CACNA2D2: variants seen among roughly 807,000 people sequenced by gnomAD.
CACNA2D2 encodes the protein calcium voltage-gated channel auxiliary subunit alpha2delta 2.
Under a neutral mutation model 166.4 loss-of-function variants are expected in CACNA2D2, and 48 were observed. That is an observed-to-expected ratio of 0.29 (90% CI 0.23 to 0.37). The LOEUF (loss-of-function observed/expected upper bound fraction) is 0.37, where lower values mean the gene tolerates loss of function less well. Ranked by LOEUF, CACNA2D2 falls within the 10% of genes least tolerant of loss-of-function variation. The pLI, the probability that CACNA2D2 is intolerant of heterozygous loss-of-function variation, is 1.00. For missense variants in CACNA2D2, 1,122 were observed against 1,433.0 expected (o/e 0.78, Z 3.50); for synonymous variants, 561 against 573.7 (o/e 0.98, Z 0.32).
intron 2 of CACNA2D2, among the ~76,000 whole-genome samples, chr3:50,442,696 A>G (rs773250936): frequency 6.6e-6 from 1 of 152,142 alleles, no homozygotes; most frequent in Non-Finnish European, 1.5e-5. Context: ...CCCACCTGCA[A>G]TTGTCATCCA....
chr3:50,468,747 A>G (rs1323891431), intron 2 of CACNA2D2, among the ~76,000 whole-genome samples: 1 of 150,888 alleles, frequency 6.6e-6, no homozygotes, highest in Non-Finnish European at 1.5e-5. Flanking sequence ...TAACTTCCCC[A>G]TTCCCAACGC....
intron 2 of CACNA2D2, among the ~76,000 whole-genome samples, chr3:50,471,066 A>T (rs766257084): frequency 2.0e-5 from 3 of 152,066 alleles, no homozygotes; most frequent in African/African-American, 2.4e-5. Flanking sequence ...GCGCTTCCCC[A>T]CTGCCCCCCA....
chr3:50,481,707 A>T (rs1698064276), intron 1 of CACNA2D2, among the ~76,000 whole-genome samples: 1 of 152,184 alleles, frequency 6.6e-6, no homozygotes, highest in Non-Finnish European at 1.5e-5. Context: ...ATTTAAAATA[A>T]AGTGCAGGCT....
At chr3:50,391,369 G>C (rs1485941817) in intron 4 of CACNA2D2, among the ~76,000 whole-genome samples, 1 of 152,248 alleles carries the variant, frequency 6.6e-6, no homozygotes, top group Non-Finnish European at 1.5e-5. Flanking sequence ...GCTCCTCCCT[G>C]GTGGTGGTTT....
At chr3:50,399,619 GAGA>G (rs1706344327) in intron 3 of CACNA2D2, among the ~76,000 whole-genome samples, 2 of 152,134 alleles carry the variant, frequency 1.3e-5, no homozygotes, top group African/African-American at 4.8e-5. Context: ...CAAGACTCAC[GAGA>G]AGTAGATTCT....
intron 1 of CACNA2D2, 51 bp downstream of exon 1, chr3:50,503,167 A>G (rs1699054842): frequency 5.5e-6 from 6 of 1,098,214 alleles, no homozygotes; most frequent in Non-Finnish European, 6.8e-6. Flanking sequence ...CCGGGGGCAG[A>G]GCGGGGCGCA....
At chr3:50,458,967 G>A (rs889795315) in intron 2 of CACNA2D2, among the ~76,000 whole-genome samples, 6 of 152,258 alleles carry the variant, frequency 3.9e-5, no homozygotes, top group Non-Finnish European at 7.3e-5. Flanking sequence ...CTCTGGAGCT[G>A]AGCTGGGGCA....
chr3:50,437,296 T>C (rs1708394776), intron 2 of CACNA2D2, among the ~76,000 whole-genome samples: 1 of 152,146 alleles, frequency 6.6e-6, no homozygotes, highest in African/African-American at 2.4e-5. Flanking sequence ...CCCAGGCCAG[T>C]TCCCACAGCT....
chr3:50,414,250 C>T lies in CACNA2D2; in HGVS notation c.405+20063G>A, dbSNP rs76118966. 6.9e-3 allele frequency among the ~76,000 whole-genome samples: 1,048 copies of T among 152,182 alleles called. 5 individuals are homozygous for T. The highest frequency in any genetic ancestry group is 0.024 in the African/African-American group (979 of 41,518). On this transcript the variant is annotated intron_variant, in intron 3 of 37. Transcript: ENST00000424201. Reference sequence around the variant, plus strand: ...ACAGAGCCCAAGGTTAGAGAGCCACCGAGCCACATACCCGCACCGTGCAAG... The same window carrying T: ...ACAGAGCCCAAGGTTAGAGAGCCACTGAGCCACATACCCGCACCGTGCAAG...
At chr3:50,465,394 TG>T (rs1428904417) in intron 2 of CACNA2D2, among the ~76,000 whole-genome samples, 1 of 152,168 alleles carries the variant, frequency 6.6e-6, no homozygotes, top group Non-Finnish European at 1.5e-5. Flanking sequence ...AAGAGGCAAG[TG>T]GCTGCCACTT....
chr3:50,463,499 T>C (rs2107021101), intron 2 of CACNA2D2, among the ~76,000 whole-genome samples: 1 of 152,276 alleles, frequency 6.6e-6, no homozygotes, highest in East Asian at 1.9e-4. Flanking sequence ...GGTTTTGCCA[T>C]GTTGTTCAGG....
At chr3:50,396,476 C>T (rs140950238) in intron 3 of CACNA2D2, among the ~76,000 whole-genome samples, 351 of 152,314 alleles carry the variant, frequency 2.3e-3, no homozygotes, top group Non-Finnish European at 3.5e-3. Context: ...CACCTGACTC[C>T]TCTTCTTCCT....
chr3:50,442,100 G>A (rs1205766498), intron 2 of CACNA2D2, among the ~76,000 whole-genome samples: 1 of 152,242 alleles, frequency 6.6e-6, no homozygotes, highest in Non-Finnish European at 1.5e-5. Flanking sequence ...CTTGCAGTCT[G>A]TGACTTTATC....
rs957281627 is a variant in CACNA2D2 at position 50,495,364 on chromosome 3, G to A, written c.206+7854C>T. ...AAAATCCCAAGGGCCCTGGGCCATCGCAGCACTGACAACACACAGGCGCGT... is the reference window on the plus strand; with the variant it reads ...AAAATCCCAAGGGCCCTGGGCCATCACAGCACTGACAACACACAGGCGCGT... On this transcript the variant is annotated intron_variant, in intron 1 of 37. Transcript: ENST00000424201. Among the ~76,000 whole-genome samples the A allele has an allele frequency of 4.6e-5, 7 of 152,280 alleles. No homozygotes were observed. In the East Asian group the frequency reaches 5.8e-4, roughly 13 times the overall value.
rs1031214821 is a variant in CACNA2D2, at chr3:50,364,420, G to A, written c.*246C>T. ...CCATCCCACTGGGGGGAGCCCAGCA[G>A]GCAAGAAGGGTCTGGGGACACTTGA... On this transcript the variant is annotated 3_prime_UTR_variant, in exon 38 of 38. Coordinates refer to ENST00000424201, the MANE Select transcript of CACNA2D2 (RefSeq NM_006030.4). 18 of 507,348 alleles carry A rather than the reference G, an allele frequency of 3.5e-5. No individual in the cohort carries two copies. The African/African-American group carries it at 3.6e-4, about 10-fold the overall frequency. 31.4% of individuals were successfully genotyped at this position (507,348 alleles called of 1,614,324 possible).
At chr3:50,487,945 T>C (rs568367877) in intron 1 of CACNA2D2, among the ~76,000 whole-genome samples, 2 of 152,066 alleles carry the variant, frequency 1.3e-5, no homozygotes, top group Non-Finnish European at 2.9e-5. Flanking sequence ...AGGCCTGTCC[T>C]TGGGAGCTTG....
At chr3:50,387,680 C>T (rs959680568) in intron 4 of CACNA2D2, 68 bp from the exon 5 acceptor site, 1 of 1,228,976 alleles carries the variant, frequency 8.1e-7, no homozygotes, top group Admixed American at 1.8e-5. Flanking sequence ...CTCCTAGCCC[C>T]AAGGCCTGCA....
Position 50,410,355 on chromosome 3 carries a change from G to A in CACNA2D2, c.406-16187C>T, listed in dbSNP as rs138648373. Among the ~76,000 whole-genome samples the A allele has an allele frequency of 1.6e-4, 24 of 152,338 alleles. 1 individual carries two copies. The East Asian group carries it at 4.2e-3, about 27-fold the overall frequency. Reference sequence around the variant, plus strand: ...ACTCATTCTCACAGGTGAAGAAACCGAGGCTCTGCAGAAGGGGGATCCCCT... The same window carrying A: ...ACTCATTCTCACAGGTGAAGAAACCAAGGCTCTGCAGAAGGGGGATCCCCT... On this transcript the variant is annotated intron_variant, in intron 3 of 37. Coordinates refer to ENST00000424201, the MANE Select transcript of CACNA2D2 (RefSeq NM_006030.4).
chr3:50,446,522 C>A (rs1473527148), intron 2 of CACNA2D2, among the ~76,000 whole-genome samples: 1 of 152,232 alleles, frequency 6.6e-6, no homozygotes, highest in Non-Finnish European at 1.5e-5. Context: ...CCCAACCCTG[C>A]CCCTGACCCC....
Sources: gnomAD v4.1 joint callset for allele counts (sites outside exome capture counted in the v4.1 genomes callset) on GRCh38, gnomAD v4.1.1 for gene constraint, MANE v1.5 for transcripts, NCBI Gene and HGNC (gene_info 2026-07-23, HGNC 2026-07-21) for gene names.